The following TRIM33 variants were observed in gnomAD, a reference collection of about 807,000 sequenced individuals.
The protein encoded by TRIM33 is tripartite motif containing 33, also known as E3 ubiquitin-protein ligase TRIM33.
A neutral mutation model predicts 125.4 loss-of-function variants in TRIM33; 20 were observed. The observed-to-expected ratio is 0.16, with a 90% CI of 0.11 to 0.23. The LOEUF is 0.23. Among genes scored for constraint, TRIM33 ranks in the 10% least tolerant of loss-of-function variants. The pLI, the probability that TRIM33 is intolerant of heterozygous loss-of-function variation, is 1.00. For synonymous variants in TRIM33, 564 were observed against 513.9 expected, an observed-to-expected ratio of 1.10 and a Z score of -1.32; for missense variants, 920 against 1,411.4, an observed-to-expected ratio of 0.65 and a Z score of 5.58.
chr1:114,407,700 C>T (rs9429546), intron 13 of TRIM33, among the ~76,000 whole-genome samples: 2,004 of 152,090 alleles, frequency 0.013, 25 homozygotes, highest in South Asian at 0.041. Flanking sequence ...TACATACAGA[C>T]GTAACATATA....
At chr1:114,399,264 T>A (rs968546338) in intron 18 of TRIM33, among the ~76,000 whole-genome samples, 193 bp downstream of exon 18, 1 of 152,138 alleles carries the variant, frequency 6.6e-6, no homozygotes, top group Non-Finnish European at 1.5e-5. Flanking sequence ...TAATTTATTA[T>A]ATTTAAGTAT....
intron 4 of TRIM33, among the ~76,000 whole-genome samples, chr1:114,449,920 C>T (rs1400846484): frequency 1.3e-5 from 2 of 152,154 alleles, no homozygotes; most frequent in Non-Finnish European, 2.9e-5. Context: ...TACCCCATGG[C>T]TGTCATTTTA....
chr1:114,489,832 A>C (rs1651941727), intron 1 of TRIM33, among the ~76,000 whole-genome samples: 1 of 152,174 alleles, frequency 6.6e-6, no homozygotes, highest in East Asian at 1.9e-4. Flanking sequence ...CAGTGGGTAA[A>C]ATGGTTAAAT....
chr1:114,485,747 T>C (rs530675702), intron 1 of TRIM33, among the ~76,000 whole-genome samples: 4 of 152,332 alleles, frequency 2.6e-5, no homozygotes, highest in Admixed American at 1.3e-4. Flanking sequence ...CTGGCCTTTA[T>C]GTTATACCTC....
At chr1:114,411,240 T>C (rs1455381869) in intron 11 of TRIM33, among the ~76,000 whole-genome samples, 2 of 151,966 alleles carry the variant, frequency 1.3e-5, no homozygotes, top group African/African-American at 4.8e-5. Flanking sequence ...AGATGGGATT[T>C]TGCTACATTG....
At chr1:114,439,770 G>GATAA (rs1175397145) in intron 4 of TRIM33, among the ~76,000 whole-genome samples, 2 of 151,996 alleles carry the variant, frequency 1.3e-5, no homozygotes, top group African/African-American at 4.8e-5. Context: ...TAAAACCAGT[G>GATAA]ATAAAGAGAA....
chr1:114,446,286 G>A (rs545381134), intron 4 of TRIM33, among the ~76,000 whole-genome samples: 3 of 152,226 alleles, frequency 2.0e-5, no homozygotes, highest in African/African-American at 7.2e-5. Flanking sequence ...TATACTGGAA[G>A]GAATAAAGTG....
At chr1:114,481,687 A>G (rs1651367371) in intron 1 of TRIM33, among the ~76,000 whole-genome samples, 1 of 150,388 alleles carries the variant, frequency 6.6e-6, no homozygotes, top group African/African-American at 2.5e-5. Flanking sequence ...ATATATATAT[A>G]TATGTGTGTA....
intron 1 of TRIM33, among the ~76,000 whole-genome samples, chr1:114,505,093 T>G (rs952106977): frequency 3.9e-5 from 6 of 152,202 alleles, no homozygotes; most frequent in Admixed American, 3.9e-4. Context: ...GGTGTAATTA[T>G]TACTCCCAAT....
chr1:114,399,707 T>C (rs1651756970), intron 17 of TRIM33, 98 bp from the exon 18 acceptor site: 1 of 1,073,304 alleles, frequency 9.3e-7, no homozygotes, highest in Admixed American at 2.5e-5. Flanking sequence ...AAAAAAATTA[T>C]TATAGAGCCA....
chr1:114,491,753 G>A (rs1003738671), intron 1 of TRIM33, among the ~76,000 whole-genome samples: 2 of 152,132 alleles, frequency 1.3e-5, no homozygotes, highest in African/African-American at 2.4e-5. Flanking sequence ...GCAGTAAGCC[G>A]TAACTGGGCC....
intron 1 of TRIM33, among the ~76,000 whole-genome samples, chr1:114,498,150 A>G (rs961610422): frequency 3.4e-5 from 5 of 147,334 alleles, no homozygotes; most frequent in Non-Finnish European, 7.5e-5. Context: ...AAAAAAAGTT[A>G]TATAATGGAA....
chr1:114,462,373 C>A (rs1650051671), intron 4 of TRIM33, among the ~76,000 whole-genome samples: 1 of 152,146 alleles, frequency 6.6e-6, no homozygotes, highest in African/African-American at 2.4e-5. Context: ...AACCCAAGTT[C>A]TCTTATACAT....
rs945467746 is a variant in TRIM33, at chr1:114,466,804, G to A, written c.527-2416C>T. The stretch of plus-strand genomic sequence containing the variant: ...ATTAGGGTTTCTCCATGTTAGTCAG[G>A]CTGGCGTCGAACTCCTGACCTCAGG... On this transcript the variant is annotated intron_variant, in intron 1 of 19. Coordinates refer to ENST00000358465, the MANE Select transcript of TRIM33 (RefSeq NM_015906.4). 5.9e-5 allele frequency among the ~76,000 whole-genome samples: 9 copies of A among 152,266 alleles called. No homozygotes were observed. The South Asian group carries it at 1.5e-3, about 25-fold the overall frequency.
At chr1:114,508,398 C>T (rs1457148991) in intron 1 of TRIM33, among the ~76,000 whole-genome samples, 2 of 152,146 alleles carry the variant, frequency 1.3e-5, no homozygotes, top group Non-Finnish European at 2.9e-5. Flanking sequence ...TCTTACCTAA[C>T]CCAGGTTCCC....
intron 1 of TRIM33, among the ~76,000 whole-genome samples, chr1:114,489,817 C>CT (rs1651940629): frequency 6.6e-6 from 1 of 151,968 alleles, no homozygotes; most frequent in Non-Finnish European, 1.5e-5. Context: ...AATGAACACA[C>CT]TTAACAGTGG....
At chr1:114,420,071 G>A (rs550014629) in intron 11 of TRIM33, among the ~76,000 whole-genome samples, 5 of 152,196 alleles carry the variant, frequency 3.3e-5, no homozygotes, top group East Asian at 1.9e-4. Context: ...TGAAAGTAAC[G>A]CATACAATGC....
intron 1 of TRIM33, among the ~76,000 whole-genome samples, chr1:114,466,370 T>C (rs6660976): frequency 1 from 152,319 of 152,332 alleles, 76,153 homozygotes; most frequent in Non-Finnish European, 1. Flanking sequence ...AAAGGGTTTA[T>C]TTGGCAGGCC....
Position 114,421,573 on chromosome 1 carries a change from G to A in TRIM33, c.1924C>T (p.Pro642Ser). ...VVSVHNTTINPTSPTTATMAN... is the reference protein window; with the variant it reads ...VVSVHNTTINSTSPTTATMAN... Reference sequence around the variant, plus strand: ...ATAGTTGCTGTAGTAGGGCTCGTTGGGTTGATTGTGGTGTTGTGTACCGAT... The same window carrying A: ...ATAGTTGCTGTAGTAGGGCTCGTTGAGTTGATTGTGGTGTTGTGTACCGAT... The change falls in exon 11 of 20, where the codon CCA (proline) becomes TCA (serine). Residue 642 changes from proline to serine, a missense_variant. Physicochemically the swap from Pro to Ser is moderately conservative, Grantham distance 74. Transcript: ENST00000358465. 1 of 1,614,134 alleles carries A rather than the reference G, an allele frequency of 6.2e-7. No individual in the cohort carries two copies. Among genetic ancestry groups the A allele is most frequent in the Non-Finnish European group, 8.5e-7 (1 of 1,180,016 alleles).
Sources: allele counts gnomAD v4.1 joint callset (sites outside exome capture counted in the v4.1 genomes callset), GRCh38; gene constraint gnomAD v4.1.1; transcripts MANE v1.5; gene names NCBI Gene and HGNC (gene_info 2026-07-23, HGNC 2026-07-21).